The following HK1 variants were observed in gnomAD, a reference collection of about 807,000 sequenced individuals.
HK1 encodes the protein hexokinase 1, also known as hexokinase-1.
In HK1, 28 loss-of-function variants were observed where a neutral mutation model predicts 91.6. That is an observed-to-expected ratio of 0.31 (90% confidence interval 0.23 to 0.42). HK1 has a LOEUF of 0.42. HK1 is among the 10% of genes least tolerant of loss of function. The pLI is 1.00. For missense variants in HK1, 770 were observed against 1,219.8 expected (o/e 0.63, Z 5.49); for synonymous variants, 430 against 468.1 (o/e 0.92, Z 1.05).
chr10:69,398,467 C>T (rs957434870), intron 16 of HK1, 128 bp from the exon 17 acceptor site: 1 of 744,632 alleles, frequency 1.3e-6, no homozygotes, highest in Non-Finnish European at 2.4e-6. Context: ...TAACATGTAA[C>T]ACTTGCCCTT....
At chr10:69,381,715 A>T (rs1318978518) in intron 9 of HK1, among the ~76,000 whole-genome samples, 1 of 151,828 alleles carries the variant, frequency 6.6e-6, no homozygotes, top group Admixed American at 6.6e-5. Flanking sequence ...CACCATACCC[A>T]GCTAATTTTT....
intron 2 of HK1, among the ~76,000 whole-genome samples, chr10:69,284,804 A>AT (rs1460187711): frequency 2.0e-5 from 3 of 151,654 alleles, no homozygotes; most frequent in Non-Finnish European, 4.4e-5. Flanking sequence ...ACGCTCAGTA[A>AT]TTTTTTTAGT....
At position 69,324,864 on chromosome 10, in the gene HK1, A is replaced by G. The variant is rs536236891; in HGVS notation, c.63+5854A>G. On this transcript the variant is annotated intron_variant, in intron 1 of 17. Coordinates refer to ENST00000359426, the MANE Select transcript of HK1 (RefSeq NM_000188.3). Reference sequence around the variant, plus strand: ...CAACGGGATCTTTTGCAACCACTTAATATACACTGGGTTGTGTTCATTGTA... The same window carrying G: ...CAACGGGATCTTTTGCAACCACTTAGTATACACTGGGTTGTGTTCATTGTA... Among the ~76,000 whole-genome samples, 4 of 152,272 alleles carry G rather than the reference A, an allele frequency of 2.6e-5. No individual in the cohort carries two copies. The South Asian group carries it at 8.3e-4, about 32-fold the overall frequency.
chr10:69,289,369 G>T (rs954371439), intron 3 of HK1, among the ~76,000 whole-genome samples: 2 of 151,556 alleles, frequency 1.3e-5, no homozygotes, highest in Admixed American at 1.3e-4. Context: ...GCTGGAAATA[G>T]GAGTTTGGCT....
At chr10:69,308,861 A>G (rs536515762) in intron 5 of HK1, among the ~76,000 whole-genome samples, 33 of 152,320 alleles carry the variant, frequency 2.2e-4, no homozygotes, top group Admixed American at 2.2e-3. Context: ...ATCTAATTGC[A>G]CTGCTGATCT....
intron 14 of HK1, among the ~76,000 whole-genome samples, chr10:69,390,127 C>T (rs12356440): frequency 1.3e-5 from 2 of 152,206 alleles, no homozygotes. Flanking sequence ...CCAGGAAGAA[C>T]TTTTCATTCA....
chr10:69,313,029 C>T (rs144516700), upstream of HK1, among the ~76,000 whole-genome samples: 250 of 152,274 alleles, frequency 1.6e-3, 2 homozygotes, highest in African/African-American at 5.8e-3. Context: ...AAGGAGGAGG[C>T]TGGCAGGGGC....
At chr10:69,348,957 TG>T (rs1848704120) in intron 2 of HK1, among the ~76,000 whole-genome samples, 2 of 152,240 alleles carry the variant, frequency 1.3e-5, no homozygotes, top group African/African-American at 4.8e-5. Context: ...CTGGTAATAA[TG>T]GCTGTCATTA....
At chr10:69,282,753 G>T (rs376409290) in intron 2 of HK1, 4 of 152,032 alleles carry the variant, frequency 2.6e-5, no homozygotes, top group Non-Finnish European at 5.9e-5. Flanking sequence ...GGGCTGTGAC[G>T]GCCTCACTTC....
upstream of HK1, among the ~76,000 whole-genome samples, chr10:69,316,751 T>C (rs1184058718): frequency 6.6e-6 from 1 of 152,248 alleles, no homozygotes; most frequent in Non-Finnish European, 1.5e-5. Flanking sequence ...GGCCATGTTT[T>C]TGATTATGCA....
intron 2 of HK1, among the ~76,000 whole-genome samples, chr10:69,346,243 A>C (rs901833066): frequency 2.0e-5 from 3 of 152,212 alleles, no homozygotes. Context: ...AACTGTAGTA[A>C]TTAGTGACAG....
intron 2 of HK1, among the ~76,000 whole-genome samples, chr10:69,286,617 C>T (rs1041294918): frequency 2.0e-5 from 3 of 151,326 alleles, no homozygotes; most frequent in East Asian, 1.9e-4. Context: ...GGTGCAATCT[C>T]GGCTCACTGC....
intron 14 of HK1, among the ~76,000 whole-genome samples, chr10:69,390,856 G>T (rs1839865824): frequency 6.6e-6 from 1 of 152,216 alleles, no homozygotes; most frequent in African/African-American, 2.4e-5. Flanking sequence ...ATTAAAGTAT[G>T]TGTGTGAAGC....
At chr10:69,285,502 G>A (rs775289580) in intron 2 of HK1, among the ~76,000 whole-genome samples, 8 of 152,160 alleles carry the variant, frequency 5.3e-5, no homozygotes, top group Non-Finnish European at 1.2e-4. Context: ...ATGAATTGTG[G>A]ATTTTTCTGT....
chr10:69,271,834 G>A (rs1263312431), intron 1 of HK1, among the ~76,000 whole-genome samples: 1 of 151,606 alleles, frequency 6.6e-6, no homozygotes, highest in Non-Finnish European at 1.5e-5. Flanking sequence ...TGCAACAACA[G>A]CATAGATATG....
At position 69,384,929 on chromosome 10, in the gene HK1, C is replaced by T. The variant is rs1839562880; in HGVS notation, c.1839+14C>T. ...AGTCTGGACGCGGTGAGTCTCTGTT[C>T]TTAGGGCTCAGTGATCGGGCAGCAC... On this transcript the variant is annotated intron_variant, in intron 12 of 17. Coordinates refer to ENST00000359426, the MANE Select transcript of HK1 (RefSeq NM_000188.3). 2 of 1,614,032 alleles carry T rather than the reference C, an allele frequency of 1.2e-6. No individual in the cohort carries two copies. The highest frequency in any genetic ancestry group is 2.7e-5 in the African/African-American group (2 of 74,914).
At chr10:69,357,708 C>T (rs1424330528) in intron 2 of HK1, among the ~76,000 whole-genome samples, 1 of 152,158 alleles carries the variant, frequency 6.6e-6, no homozygotes, top group African/African-American at 2.4e-5. Flanking sequence ...CTGCCTCAGC[C>T]TCCCAAAGTG....
At chr10:69,389,318 T>G in intron 14 of HK1, 22 bp downstream of exon 14, 1 of 1,560,354 alleles carries the variant, frequency 6.4e-7, no homozygotes, top group Non-Finnish European at 8.8e-7. Context: ...GGAAGGTCTC[T>G]TTCCCTGCAG....
At chr10:69,295,951 C>T (rs191426046) in intron 4 of HK1, among the ~76,000 whole-genome samples, 4 of 152,286 alleles carry the variant, frequency 2.6e-5, no homozygotes, top group African/African-American at 9.6e-5. Flanking sequence ...GAGCCAAACA[C>T]AAGGCCTTCC....
Sources: allele counts gnomAD v4.1 joint callset (sites outside exome capture counted in the v4.1 genomes callset), GRCh38; gene constraint gnomAD v4.1.1; transcripts MANE v1.5; gene names NCBI Gene and HGNC (gene_info 2026-07-23, HGNC 2026-07-21).